ESR1: variants seen among roughly 807,000 people sequenced by gnomAD.
The protein encoded by ESR1 is estrogen receptor 1, also known as estrogen receptor.
Under a neutral mutation model 52.7 loss-of-function variants are expected in ESR1, and 12 were observed. The ratio of observed to expected loss-of-function variants is 0.23; its 90% CI spans 0.15 to 0.37. The LOEUF (loss-of-function observed/expected upper bound fraction) is 0.37, where lower values mean the gene tolerates loss of function less well. Among genes scored for constraint, ESR1 ranks in the 10% least tolerant of loss-of-function variants. ESR1 has a pLI of 1.00. For missense variants in ESR1, 584 were observed against 779.7 expected, an observed-to-expected ratio of 0.75 and a Z score of 2.99; for synonymous variants, 305 against 316.8, an observed-to-expected ratio of 0.96 and a Z score of 0.39.
intron 6 of ESR1, among the ~76,000 whole-genome samples, chr6:152,113,346 A>G (rs2051169758): frequency 6.6e-6 from 1 of 152,196 alleles, no homozygotes; most frequent in African/African-American, 2.4e-5. Context: ...TGAAAGGAGT[A>G]AGAGTCCCTG....
At chr6:151,841,722 AT>A (rs371216790) in intron 1 of ESR1, among the ~76,000 whole-genome samples, 10 of 142,250 alleles carry the variant, frequency 7.0e-5, no homozygotes, top group Admixed American at 1.4e-4. Flanking sequence ...CTCTTTCTAC[AT>A]TTTTTTTTTC....
At chr6:151,955,866 T>G (rs2036849947) in intron 4 of ESR1, among the ~76,000 whole-genome samples, 1 of 151,980 alleles carries the variant, frequency 6.6e-6, no homozygotes, top group African/African-American at 2.4e-5. Flanking sequence ...TTTCCGAACC[T>G]CTCCTCCTCT....
chr6:151,764,342 G>A (rs750968238), intron 2 of ESR1, among the ~76,000 whole-genome samples: 2 of 152,136 alleles, frequency 1.3e-5, no homozygotes, highest in Non-Finnish European at 2.9e-5. Flanking sequence ...AGAAGGAGAG[G>A]GGAGATAGGA....
chr6:152,118,804 AAC>A (rs1217891232), intron 6 of ESR1, among the ~76,000 whole-genome samples: 4 of 151,320 alleles, frequency 2.6e-5, no homozygotes, highest in Non-Finnish European at 5.9e-5. Flanking sequence ...AAAACAAACA[AAC>A]ACAAGAACTT....
chr6:151,755,081 A>C (rs895435690), intron 2 of ESR1, among the ~76,000 whole-genome samples: 11 of 152,066 alleles, frequency 7.2e-5, no homozygotes, highest in Non-Finnish European at 1.2e-4. Flanking sequence ...GTGATGGTGC[A>C]TGCCTGTAGT....
intron 5 of ESR1, among the ~76,000 whole-genome samples, chr6:152,044,558 G>A (rs2046072171): frequency 6.9e-6 from 1 of 145,876 alleles, no homozygotes; most frequent in Non-Finnish European, 1.5e-5. Flanking sequence ...CAAAACTAGG[G>A]AAGCCGACAG....
intron 2 of ESR1, among the ~76,000 whole-genome samples, chr6:151,705,270 C>T (rs944478133): frequency 1.3e-5 from 2 of 152,110 alleles, no homozygotes; most frequent in African/African-American, 4.8e-5. Flanking sequence ...ACTTCTCTTC[C>T]TCTAGTGAAA....
At chr6:152,118,194 C>T (rs911867073) in intron 6 of ESR1, 13 of 152,146 alleles carry the variant, frequency 8.5e-5, no homozygotes, top group African/African-American at 3.1e-4. Context: ...TCCCTTTCCT[C>T]CCCTAAATTA....
intron 1 of ESR1, among the ~76,000 whole-genome samples, chr6:151,664,840 G>A (rs575443559): frequency 1.8e-4 from 27 of 152,276 alleles, no homozygotes. Flanking sequence ...ACCTCTAAAA[G>A]AACTTGTTCT....
intron 2 of ESR1, among the ~76,000 whole-genome samples, chr6:151,781,887 G>T (rs1419054817): frequency 1.3e-5 from 2 of 152,102 alleles, no homozygotes; most frequent in African/African-American, 2.4e-5. Flanking sequence ...TAGAGTGTCT[G>T]GTATAAATGA....
intron 1 of ESR1, among the ~76,000 whole-genome samples, chr6:151,682,336 GT>G (rs894716415): frequency 1.3e-5 from 2 of 152,024 alleles, no homozygotes; most frequent in African/African-American, 2.4e-5. Context: ...CCTGTAGGAA[GT>G]TTTTTTTGGT....
At chr6:152,048,450 G>A (rs1266795721) in intron 5 of ESR1, among the ~76,000 whole-genome samples, 3 of 149,716 alleles carry the variant, frequency 2.0e-5, no homozygotes, top group Non-Finnish European at 3.0e-5. Context: ...ACCGCTTGTT[G>A]TATTCTCTTA....
At chr6:151,741,311 T>C (rs1783079934) in intron 2 of ESR1, among the ~76,000 whole-genome samples, 1 of 152,200 alleles carries the variant, frequency 6.6e-6, no homozygotes, top group African/African-American at 2.4e-5. Flanking sequence ...ATATAATTCA[T>C]TCAGTCCTCC....
intron 1 of ESR1, among the ~76,000 whole-genome samples, chr6:151,842,029 C>T (rs1457166834): frequency 1.3e-5 from 2 of 152,034 alleles, no homozygotes; most frequent in Non-Finnish European, 2.9e-5. Context: ...TCTACATGTT[C>T]CTAAAGAGGA....
At chr6:151,745,476 C>T (rs181346183) in intron 2 of ESR1, among the ~76,000 whole-genome samples, 78 of 152,278 alleles carry the variant, frequency 5.1e-4, no homozygotes, top group Admixed American at 5.0e-3. Context: ...ATTTTAGCAT[C>T]ATTTGGAAGA....
chr6:151,767,122 C>A (rs887332355), intron 2 of ESR1, among the ~76,000 whole-genome samples: 1 of 152,136 alleles, frequency 6.6e-6, no homozygotes, highest in Non-Finnish European at 1.5e-5. Context: ...CTTTTGTCTT[C>A]TTTTCCAAAA....
chr6:152,031,798 G>C (rs1263438244), intron 5 of ESR1, among the ~76,000 whole-genome samples: 6 of 152,230 alleles, frequency 3.9e-5, no homozygotes, highest in Middle Eastern at 3.4e-3. Context: ...TATGAGGCCA[G>C]CATCATCCTG....
chr6:151,996,245 G>A (rs2041471347), intron 4 of ESR1, among the ~76,000 whole-genome samples: 1 of 152,114 alleles, frequency 6.6e-6, no homozygotes, highest in African/African-American at 2.4e-5. Flanking sequence ...TCTCAGCAAG[G>A]TGTTATGGTC....
chr6:151,706,926 A>G (rs1780227855), intron 2 of ESR1, among the ~76,000 whole-genome samples: 1 of 152,148 alleles, frequency 6.6e-6, no homozygotes, highest in South Asian at 2.1e-4. Flanking sequence ...TGTCCTCAAA[A>G]CGTGAGGATT....
Sources: gnomAD v4.1 joint callset for allele counts (sites outside exome capture counted in the v4.1 genomes callset) on GRCh38, gnomAD v4.1.1 for gene constraint, MANE v1.5 for transcripts, NCBI Gene and HGNC (gene_info 2026-07-23, HGNC 2026-07-21) for gene names.